The following CWC27 variants were observed in gnomAD, a reference collection of about 807,000 sequenced individuals.
The protein encoded by CWC27 is spliceosome-associated protein CWC27 homolog.
In CWC27, 47 loss-of-function variants were observed where a neutral mutation model predicts 63.6. The ratio of observed to expected loss-of-function variants is 0.74; its 90% CI spans 0.58 to 0.94. The LOEUF is 0.94. CWC27 is among the 40% of genes least tolerant of loss of function. The probability of loss-of-function intolerance (pLI) is 0.00; values close to 1 mark genes in which losing one functional copy is unlikely to be tolerated. For synonymous variants in CWC27, 175 were observed against 179.8 expected (o/e 0.97, Z 0.22); for missense variants, 495 against 554.3 (o/e 0.89, Z 1.07).
At chr5:64,929,248 G>A (rs1748184785) in intron 11 of CWC27, among the ~76,000 whole-genome samples, 1 of 152,128 alleles carries the variant, frequency 6.6e-6, no homozygotes, top group Non-Finnish European at 1.5e-5. Context: ...CAGTGGCAAT[G>A]AGTACATTTA....
chr5:64,774,686 T>C lies in CWC27; in HGVS notation c.43-5T>C. 1 of 1,522,004 alleles carries C rather than the reference T, an allele frequency of 6.6e-7. No homozygotes were observed. The highest frequency in any genetic ancestry group is 8.9e-7 in the Non-Finnish European group (1 of 1,124,884). The allele number at this position is 1,522,004 out of a possible 1,614,324, so 94.3% of individuals were successfully genotyped here. On this transcript the variant is annotated splice_region_variant and splice_polypyrimidine_tract_variant and intron_variant, in intron 1 of 13. Coordinates refer to ENST00000381070, the MANE Select transcript of CWC27 (RefSeq NM_005869.4). ...ATTTAATAAAATGTAATATTCTTTCTACAGGTTTTATTGAAAACTACAGCT... is the reference window on the plus strand; with the variant it reads ...ATTTAATAAAATGTAATATTCTTTCCACAGGTTTTATTGAAAACTACAGCT...
At chr5:64,837,012 C>T (rs1219910230) in intron 10 of CWC27, among the ~76,000 whole-genome samples, 2 of 152,042 alleles carry the variant, frequency 1.3e-5, no homozygotes, top group African/African-American at 4.8e-5. Context: ...GGATGGCTTT[C>T]GTGCTTGCCA....
chr5:64,994,806 G>A (rs1749602218), intron 13 of CWC27, among the ~76,000 whole-genome samples: 1 of 152,104 alleles, frequency 6.6e-6, no homozygotes, highest in African/African-American at 2.4e-5. Context: ...AATTATGTGT[G>A]TACATACTAT....
intron 11 of CWC27, among the ~76,000 whole-genome samples, chr5:64,903,113 G>A (rs538112964): frequency 1.3e-4 from 20 of 152,304 alleles, no homozygotes; most frequent in Admixed American, 2.6e-4. Context: ...GAAAGACAGT[G>A]TGGCAATTCC....
At chr5:64,873,537 G>T (rs970450205) in intron 10 of CWC27, among the ~76,000 whole-genome samples, 2 of 151,538 alleles carry the variant, frequency 1.3e-5, no homozygotes, top group Non-Finnish European at 2.9e-5. Context: ...GGATTATTGG[G>T]TTTTTTTATT....
chr5:64,884,259 A>C (rs1049458025), intron 10 of CWC27: 1 of 152,148 alleles, frequency 6.6e-6, no homozygotes, highest in South Asian at 2.1e-4. Flanking sequence ...AGCTTAGTAG[A>C]AATGAAAGGC....
chr5:64,919,694 T>C (rs1747959717), intron 11 of CWC27, among the ~76,000 whole-genome samples: 1 of 152,232 alleles, frequency 6.6e-6, no homozygotes, highest in Non-Finnish European at 1.5e-5. Flanking sequence ...ATCTCATTCT[T>C]TTTATGGCTG....
At chr5:64,778,594 T>A (rs1018544637) in intron 2 of CWC27, among the ~76,000 whole-genome samples, 5 of 152,220 alleles carry the variant, frequency 3.3e-5, no homozygotes, top group African/African-American at 1.2e-4. Flanking sequence ...TTTGCTTTCA[T>A]ATTATTTAAT....
chr5:65,017,592 T>G (rs796140458), intron 13 of CWC27, among the ~76,000 whole-genome samples: 4 of 152,386 alleles, frequency 2.6e-5, no homozygotes, highest in South Asian at 2.1e-4. Flanking sequence ...CATAGAGTTA[T>G]GTCAAAAGTT....
intron 13 of CWC27, among the ~76,000 whole-genome samples, chr5:65,017,104 G>A (rs976629480): frequency 3.9e-5 from 6 of 151,996 alleles, no homozygotes; most frequent in Middle Eastern, 3.4e-3. Flanking sequence ...GGCAGATCAC[G>A]AGGTCAGAAG....
At chr5:64,838,932 A>G (rs1745733036) in intron 10 of CWC27, among the ~76,000 whole-genome samples, 1 of 152,194 alleles carries the variant, frequency 6.6e-6, no homozygotes, top group South Asian at 2.1e-4. Context: ...AATCAGTCAT[A>G]CTATGAAAAT....
intron 10 of CWC27, among the ~76,000 whole-genome samples, chr5:64,846,085 G>A: frequency 6.6e-6 from 1 of 152,200 alleles, no homozygotes; most frequent in South Asian, 2.1e-4. Context: ...TAATTGAAAT[G>A]CCGGAGGAAA....
In CWC27 at chr5:64,786,690, A is replaced by C; in HGVS notation, c.599+63A>C. 3.0e-6 allele frequency: 3 copies of C among 990,668 alleles called. No individual in the cohort carries two copies. In the South Asian group the frequency reaches 5.2e-5, roughly 17 times the overall value. 61.4% of individuals were successfully genotyped at this position (990,668 alleles called of 1,614,324 possible). ...ATGACACTCATTCATTTAGTTTACT[A>C]TATTTCCTTTTATAGTAATTGTTTA... On this transcript the variant is annotated intron_variant, in intron 6 of 13. Transcript: ENST00000381070.
intron 11 of CWC27, among the ~76,000 whole-genome samples, chr5:64,951,514 T>C (rs1748708544): frequency 6.6e-6 from 1 of 151,962 alleles, no homozygotes; most frequent in South Asian, 2.1e-4. Context: ...GTGCCATTCA[T>C]GTGCCTATTG....
In CWC27 at chr5:64,862,934, G is replaced by A. The variant is rs370978994; in HGVS notation, c.939-22509G>A. On this transcript the variant is annotated intron_variant, in intron 10 of 13. Transcript: ENST00000381070. Reference sequence around the variant, plus strand: ...GTGGACAGGATAAGAAACCTTTCTGGGATTTTTTATAAGAGCATTAAACCC... The same window carrying A: ...GTGGACAGGATAAGAAACCTTTCTGAGATTTTTTATAAGAGCATTAAACCC... 3.9e-5 allele frequency among the ~76,000 whole-genome samples: 6 copies of A among 152,118 alleles called. No homozygotes were observed. In the East Asian group the frequency reaches 9.6e-4, roughly 24 times the overall value.
chr5:64,959,210 G>A (rs1054603469), intron 11 of CWC27, among the ~76,000 whole-genome samples: 3 of 151,880 alleles, frequency 2.0e-5, no homozygotes, highest in African/African-American at 7.3e-5. Flanking sequence ...CAGCTCCATT[G>A]GACAAGTTTT....
chr5:64,805,991 T>A lies in CWC27; in HGVS notation c.938+1605T>A, dbSNP rs114479391. On this transcript the variant is annotated intron_variant, in intron 10 of 13. Coordinates refer to ENST00000381070, the MANE Select transcript of CWC27 (RefSeq NM_005869.4). ...TGAGAATACTGGAGAGCCACTGAAGTTTTTACAGGCAAATGATATATTGAG... is the reference window on the plus strand; with the variant it reads ...TGAGAATACTGGAGAGCCACTGAAGATTTTACAGGCAAATGATATATTGAG... Among the ~76,000 whole-genome samples the A allele has an allele frequency of 9.7e-3, 1,473 of 152,172 alleles. 29 individuals are homozygous for A. The highest frequency in any genetic ancestry group is 0.034 in the African/African-American group (1,423 of 41,526).
chr5:64,926,780 C>T (rs1317954891), intron 11 of CWC27, among the ~76,000 whole-genome samples: 1 of 152,150 alleles, frequency 6.6e-6, no homozygotes, highest in East Asian at 1.9e-4. Context: ...ATTTCAGCTT[C>T]TTTAACTTTC....
At chr5:64,800,113 G>T (rs1580614275) in intron 7 of CWC27, 135 bp from the exon 8 acceptor site, 1 of 509,572 alleles carries the variant, frequency 2.0e-6, no homozygotes, top group Non-Finnish European at 3.4e-6. Flanking sequence ...ACTTTAGTTT[G>T]TATTAAACTT....
Sources: gnomAD v4.1 joint callset for allele counts (sites outside exome capture counted in the v4.1 genomes callset) on GRCh38, gnomAD v4.1.1 for gene constraint, MANE v1.5 for transcripts, NCBI Gene and HGNC (gene_info 2026-07-23, HGNC 2026-07-21) for gene names.